Variants in FAM110B observed in about 807,000 individuals in gnomAD.
FAM110B encodes the protein protein FAM110B.
Under a neutral mutation model 20.4 loss-of-function variants are expected in FAM110B, and 6 were observed. The ratio of observed to expected loss-of-function variants is 0.29; its 90% CI spans 0.16 to 0.58. FAM110B has a LOEUF of 0.58. FAM110B is among the 20% of genes least tolerant of loss of function. The pLI is 0.90. For missense variants in FAM110B, 434 were observed against 498.2 expected (o/e 0.87, Z 1.23); for synonymous variants, 226 against 214.1 (o/e 1.06, Z -0.49).
chr8:58,001,018 T>C (rs1020895672), intron 1 of FAM110B, among the ~76,000 whole-genome samples: 1 of 152,240 alleles, frequency 6.6e-6, no homozygotes, highest in Non-Finnish European at 1.5e-5. Context: ...ACAGCTTCTG[T>C]TGGCTTTGTT....
intron 1 of FAM110B, among the ~76,000 whole-genome samples, chr8:58,012,596 G>T (rs930796472): frequency 2.0e-5 from 3 of 152,170 alleles, no homozygotes; most frequent in African/African-American, 4.8e-5. Flanking sequence ...ATTTGGTGCT[G>T]GTTCTGGGCC....
At chr8:58,096,257 C>A (rs1806624586) in intron 3 of FAM110B, among the ~76,000 whole-genome samples, 1 of 152,094 alleles carries the variant, frequency 6.6e-6, no homozygotes, top group African/African-American at 2.4e-5. Context: ...CTCATTGCAA[C>A]CTCCACCTTC....
chr8:58,146,576 C>G lies in FAM110B; in HGVS notation c.346C>G (p.Leu116Val). The G allele has an allele frequency of 6.2e-7, 1 of 1,614,038 alleles. No individual in the cohort carries two copies. Among genetic ancestry groups the G allele is most frequent in the Non-Finnish European group, 8.5e-7 (1 of 1,179,954 alleles). Residue 116 changes from leucine to valine, a missense_variant, in exon 4 of 4, where the codon CTG (leucine) becomes GTG (valine). Coordinates refer to ENST00000519262, the MANE Select transcript of FAM110B (RefSeq NM_001377989.1). ...KTESGVQREN[L>V]KLEILKNIIN... Reference sequence around the variant, plus strand: ...CGAGAGCGGCGTGCAGAGGGAGAACCTGAAGCTGGAGATCCTGAAGAACAT... The same window carrying G: ...CGAGAGCGGCGTGCAGAGGGAGAACGTGAAGCTGGAGATCCTGAAGAACAT...
intron 1 of FAM110B, among the ~76,000 whole-genome samples, chr8:58,002,687 T>C (rs1383749382): frequency 6.6e-6 from 1 of 152,260 alleles, no homozygotes; most frequent in African/African-American, 2.4e-5. Flanking sequence ...ATAAAAATTA[T>C]GCTTAAACTA....
intron 1 of FAM110B, among the ~76,000 whole-genome samples, chr8:58,009,540 T>C (rs1050222652): frequency 6.6e-6 from 1 of 152,256 alleles, no homozygotes; most frequent in Non-Finnish European, 1.5e-5. Context: ...TTATATTAAT[T>C]ACATGTTGAA....
At chr8:58,007,903 C>T (rs974435812) in intron 1 of FAM110B, among the ~76,000 whole-genome samples, 23 of 152,204 alleles carry the variant, frequency 1.5e-4, no homozygotes, top group African/African-American at 3.1e-4. Flanking sequence ...TAGAATGTTA[C>T]GTCAGAAGGT....
At chr8:58,093,277 G>A (rs1019682499) in intron 3 of FAM110B, among the ~76,000 whole-genome samples, 2 of 152,120 alleles carry the variant, frequency 1.3e-5, no homozygotes, top group African/African-American at 4.8e-5. Flanking sequence ...GTCAATTTTG[G>A]CTTTCATTGC....
chr8:58,012,443 A>G (rs1245226428), intron 1 of FAM110B, among the ~76,000 whole-genome samples: 1 of 152,006 alleles, frequency 6.6e-6, no homozygotes, highest in East Asian at 1.9e-4. Context: ...GGAGTGGGCA[A>G]TGTTTTAATC....
chr8:58,033,761 A>G (rs1300175191), intron 2 of FAM110B, among the ~76,000 whole-genome samples: 1 of 152,222 alleles, frequency 6.6e-6, no homozygotes, highest in Admixed American at 6.5e-5. Flanking sequence ...AAGTTAAAAA[A>G]AAATAGTTTT....
At chr8:58,043,740 A>G (rs866178843) in intron 2 of FAM110B, among the ~76,000 whole-genome samples, 1 of 152,162 alleles carries the variant, frequency 6.6e-6, no homozygotes, top group African/African-American at 2.4e-5. Flanking sequence ...ATTGCCAGGC[A>G]CTGGTTTAGC....
At chr8:58,018,635 G>A (rs139338744) in intron 1 of FAM110B, among the ~76,000 whole-genome samples, 14 of 152,010 alleles carry the variant, frequency 9.2e-5, no homozygotes, top group African/African-American at 2.7e-4. Context: ...ACATTGATAC[G>A]GTTGATTTTT....
At chr8:58,088,372 C>T (rs1459944475) in intron 3 of FAM110B, among the ~76,000 whole-genome samples, 4 of 152,134 alleles carry the variant, frequency 2.6e-5, no homozygotes, top group African/African-American at 9.7e-5. Flanking sequence ...CGCTTCAAGT[C>T]ATATATCTAG....
At chr8:58,097,341 T>A (rs1015738753) in intron 3 of FAM110B, among the ~76,000 whole-genome samples, 9 of 152,254 alleles carry the variant, frequency 5.9e-5, no homozygotes, top group Non-Finnish European at 1.3e-4. Context: ...ATTTGGCTAT[T>A]GATACTTGTG....
At chr8:58,122,754 C>T (rs887975007) in intron 3 of FAM110B, among the ~76,000 whole-genome samples, 4 of 151,978 alleles carry the variant, frequency 2.6e-5, no homozygotes, top group South Asian at 2.1e-4. Context: ...TCCTTCAGGT[C>T]GCTTTTGTTC....
In FAM110B at chr8:58,137,243, G is replaced by A. The variant is rs561805040; in HGVS notation, c.-324-8664G>A. 6.6e-5 allele frequency among the ~76,000 whole-genome samples: 10 copies of A among 152,254 alleles called. 1 individual carries two copies. In the South Asian group the frequency reaches 1.9e-3, roughly 28 times the overall value. On this transcript the variant is annotated intron_variant, in intron 3 of 3. Transcript: ENST00000519262. ...TGGTGATTATCAATGCCAAGTTGCA[G>A]ACACTGGGGACAGCATTTAATAATA...
intron 3 of FAM110B, among the ~76,000 whole-genome samples, chr8:58,137,386 C>T (rs1044818452): frequency 3.3e-5 from 5 of 152,094 alleles, no homozygotes; most frequent in African/African-American, 9.7e-5. Flanking sequence ...ATGGTAAAAC[C>T]CCGTCTCTAC....
intron 1 of FAM110B, among the ~76,000 whole-genome samples, chr8:58,001,903 A>G (rs1347326586): frequency 6.6e-6 from 1 of 152,196 alleles, no homozygotes; most frequent in Non-Finnish European, 1.5e-5. Flanking sequence ...TTACATGATT[A>G]TGGAGGCTGA....
At chr8:57,996,863 T>G (rs1804194279) in intron 1 of FAM110B, among the ~76,000 whole-genome samples, 1 of 152,220 alleles carries the variant, frequency 6.6e-6, no homozygotes, top group African/African-American at 2.4e-5. Flanking sequence ...TTTTCATGCT[T>G]TAAAATATTT....
intron 1 of FAM110B, among the ~76,000 whole-genome samples, chr8:58,023,548 C>T (rs940659709): frequency 6.6e-6 from 1 of 152,184 alleles, no homozygotes; most frequent in African/African-American, 2.4e-5. Context: ...GTGGCCCTAC[C>T]ATTCTCTCCT....
Sources: allele counts gnomAD v4.1 joint callset (sites outside exome capture counted in the v4.1 genomes callset), GRCh38; gene constraint gnomAD v4.1.1; transcripts MANE v1.5; gene names NCBI Gene and HGNC (gene_info 2026-07-23, HGNC 2026-07-21).